Variants in CUBN observed in about 807,000 individuals in gnomAD.
CUBN encodes cubilin.
In CUBN, 282 loss-of-function variants were observed where a neutral mutation model predicts 405.3. That is an observed-to-expected ratio of 0.70 (90% CI 0.63 to 0.77). CUBN has a LOEUF of 0.77. Ranked by LOEUF, CUBN falls within the 30% of genes least tolerant of loss-of-function variation. CUBN has a pLI of 0.00. For synonymous variants in CUBN, 1,684 were observed against 1,617.0 expected, an observed-to-expected ratio of 1.04 and a Z score of -0.99; for missense variants, 4,514 against 4,475.2, an observed-to-expected ratio of 1.01 and a Z score of -0.25.
At chr10:16,894,813 T>C (rs569647612) in intron 54 of CUBN, among the ~76,000 whole-genome samples, 1 of 152,310 alleles carries the variant, frequency 6.6e-6, no homozygotes, top group South Asian at 2.1e-4. Flanking sequence ...CTATGTTGAG[T>C]CTTCCAATTC....
At chr10:17,030,644 C>T (rs1226421069) in intron 27 of CUBN, among the ~76,000 whole-genome samples, 8 of 152,082 alleles carry the variant, frequency 5.3e-5, no homozygotes, top group African/African-American at 1.9e-4. Context: ...GTTGGTCGGG[C>T]GTGGTGGCTC....
intron 5 of CUBN, 64 bp downstream of exon 5, chr10:17,123,524 T>C (rs781184584): frequency 4.1e-6 from 5 of 1,217,418 alleles, no homozygotes; most frequent in Non-Finnish European, 6.0e-6. Context: ...ATATGCCTGA[T>C]GATTCCAAGG....
Position 16,915,047 on chromosome 10 carries a change from C to G in CUBN, c.7336G>C (p.Glu2446Gln), listed in dbSNP as rs1841846105. ...ATGAACTCACCTTCCATACTGGATT[C>G]AAATCGCAGTCTGAATCCTGAGGCA... is the stretch of plus-strand genomic sequence containing the variant. ...VTASGFRLRF[E>Q]SSMEECGGDL... is the part of the protein sequence containing the mutation. The change falls in exon 47 of 67, where the codon GAA (glutamate) becomes CAA (glutamine). Residue 2446 changes from glutamate to glutamine, a missense_variant. By Grantham distance (29) the Glu-to-Gln change is conservative. Transcript: ENST00000377833. 4 of 1,613,952 alleles carry G rather than the reference C, an allele frequency of 2.5e-6. No individual in the cohort carries two copies. The East Asian group carries it at 8.9e-5, about 36-fold the overall frequency.
At chr10:16,912,362 T>C (rs1841757589) in intron 48 of CUBN, among the ~76,000 whole-genome samples, 1 of 152,202 alleles carries the variant, frequency 6.6e-6, no homozygotes, top group African/African-American at 2.4e-5. Flanking sequence ...ATCTCTATTA[T>C]GTACAGGCAC....
chr10:16,898,945 T>G, intron 54 of CUBN, 51 bp downstream of exon 54: 1 of 1,295,296 alleles, frequency 7.7e-7, no homozygotes, highest in South Asian at 1.2e-5. Context: ...GCTTAAACAC[T>G]AATGTTCACA....
At chr10:16,895,793 T>C (rs1023899052) in intron 54 of CUBN, among the ~76,000 whole-genome samples, 3 of 152,232 alleles carry the variant, frequency 2.0e-5, no homozygotes, top group Non-Finnish European at 2.9e-5. Context: ...GAATTGGAAA[T>C]CAGTTTATTA....
At chr10:17,008,463 TGC>T (rs796107852) in intron 28 of CUBN, among the ~76,000 whole-genome samples, 22,367 of 144,696 alleles carry the variant, frequency 0.15, 2,065 homozygotes, top group African/African-American at 0.24. Flanking sequence ...TGTGTGTGTG[TGC>T]GCGCTTAGCC....
intron 22 of CUBN, among the ~76,000 whole-genome samples, chr10:17,055,331 A>T (rs543767278): frequency 5.9e-5 from 9 of 152,166 alleles, no homozygotes; most frequent in African/African-American, 1.9e-4. Flanking sequence ...TAAAGGACTA[A>T]ACGCTTTCCT....
At chr10:17,097,276 G>A (rs770699346) in intron 14 of CUBN, among the ~76,000 whole-genome samples, 65 of 152,072 alleles carry the variant, frequency 4.3e-4, no homozygotes, top group Non-Finnish European at 7.9e-4. Context: ...CAGAGCCTAC[G>A]AACACTAAAA....
intron 43 of CUBN, among the ~76,000 whole-genome samples, chr10:16,923,427 G>A (rs1437937325): frequency 1.3e-5 from 2 of 152,142 alleles, no homozygotes; most frequent in African/African-American, 4.8e-5. Context: ...AGAAGTGGGA[G>A]TGGCATGGAA....
At position 16,928,317 on chromosome 10, in the gene CUBN, A is replaced by ATG; in HGVS notation, c.6125-15_6125-14insCA. On this transcript the variant is annotated splice_polypyrimidine_tract_variant and intron_variant, in intron 40 of 66. Coordinates refer to ENST00000377833, the MANE Select transcript of CUBN (RefSeq NM_001081.4). ...AGTTATTATCTCCTACGTTGAAAGA[A>ATG]AGGGAACAACATGAAAATACATCTT... The ATG allele has an allele frequency of 6.2e-7, 1 of 1,613,452 alleles. No individual in the cohort carries two copies. The highest frequency in any genetic ancestry group is 2.2e-5 in the East Asian group (1 of 44,860).
At chr10:17,116,817 G>A (rs1836912729) in intron 6 of CUBN, among the ~76,000 whole-genome samples, 1 of 152,172 alleles carries the variant, frequency 6.6e-6, no homozygotes, top group Non-Finnish European at 1.5e-5. Flanking sequence ...AGAGCAATGA[G>A]TGTGGCCAGA....
At chr10:17,093,239 T>C (rs1030130659) in intron 14 of CUBN, among the ~76,000 whole-genome samples, 3 of 152,090 alleles carry the variant, frequency 2.0e-5, no homozygotes, top group African/African-American at 7.2e-5. Flanking sequence ...CTTAGCTCAT[T>C]CCCAAGCTGC....
intron 56 of CUBN, among the ~76,000 whole-genome samples, chr10:16,877,831 C>T (rs1840556258): frequency 6.6e-6 from 1 of 152,184 alleles, no homozygotes; most frequent in Non-Finnish European, 1.5e-5. Context: ...TCCACTACAA[C>T]ATATCCAGTG....
chr10:17,109,092 AC>A (rs1836706163), intron 10 of CUBN, among the ~76,000 whole-genome samples: 1 of 152,248 alleles, frequency 6.6e-6, no homozygotes, highest in African/African-American at 2.4e-5. Context: ...GTCGGTGAAT[AC>A]ATAAATTGAT....
rs76340647 is a variant in CUBN, at chr10:16,854,746, C to T, written c.9455-3303G>A. 2.9e-3 allele frequency among the ~76,000 whole-genome samples: 435 copies of T among 152,236 alleles called. 3 individuals carry two copies. The highest frequency in any genetic ancestry group is 0.01 in the African/African-American group (423 of 41,554). On this transcript the variant is annotated intron_variant, in intron 59 of 66. Transcript: ENST00000377833. ...GGGCAAGATGGCAATTGTACTTGGGCCCAGTGAATGCCATTACACACACTT... is the reference window on the plus strand; with the variant it reads ...GGGCAAGATGGCAATTGTACTTGGGTCCAGTGAATGCCATTACACACACTT...
chr10:17,110,978 G>A lies in CUBN; in HGVS notation c.956C>T (p.Ala319Val). 3 of 1,614,190 alleles carry A rather than the reference G, an allele frequency of 1.9e-6. No individual in the cohort carries two copies. The highest frequency in any genetic ancestry group is 2.5e-6 in the Non-Finnish European group (3 of 1,180,010). ...TGTATTCACACACTCAACGGGTGGA[G>A]CCACAGAACAGCCGCCGTTATTTAT... ...CEINNGGCSV[A>V]PPVECVNTPG... The change falls in exon 9 of 67, where the codon GCT becomes GTT. Residue 319 changes from alanine (A) to valine (V), a missense_variant. By Grantham distance (64) the Ala-to-Val change is moderately conservative (BLOSUM62 0). This residue lies in a region of CUBN where 1,448 missense variants were observed against 1,388.0 expected (regional missense o/e 1.04). Coordinates refer to ENST00000377833, the MANE Select transcript of CUBN (RefSeq NM_001081.4).
intron 65 of CUBN, among the ~76,000 whole-genome samples, chr10:16,829,665 C>G (rs1357013740): frequency 1.3e-5 from 2 of 152,180 alleles, no homozygotes; most frequent in South Asian, 2.1e-4. Context: ...GACTATATAT[C>G]TGTGGAGATC....
At position 17,127,851 on chromosome 10, in the gene CUBN, T is replaced by C; in HGVS notation, c.326A>G (p.Gln109Arg). ...TACCTTGGAATTAAGCTGATAGATTTGACTAGATATATTTTGAGGCAGACC... is the reference window on the plus strand; with the variant it reads ...TACCTTGGAATTAAGCTGATAGATTCGACTAGATATATTTTGAGGCAGACC... Reference protein sequence around the residue: ...AIGLPQNISSQIYQLNSKLVD... With the variant: ...AIGLPQNISSRIYQLNSKLVD... Residue 109 changes from glutamine to arginine, a missense_variant, in exon 3 of 67, where the codon CAA (glutamine) becomes CGA (arginine). This residue lies in a region of CUBN where 1,448 missense variants were observed against 1,388.0 expected (regional missense o/e 1.04). Coordinates refer to ENST00000377833, the MANE Select transcript of CUBN (RefSeq NM_001081.4). The C allele has an allele frequency of 6.2e-7, 1 of 1,612,738 alleles. No individual in the cohort carries two copies.
Sources: gnomAD v4.1 joint callset for allele counts (sites outside exome capture counted in the v4.1 genomes callset) on GRCh38, gnomAD v4.1.1 for gene constraint, gnomAD v4.1.1 regional missense constraint, MANE v1.5 for transcripts, NCBI Gene and HGNC (gene_info 2026-07-23, HGNC 2026-07-21) for gene names.